Variants in ITGBL1 observed in about 807,000 individuals in gnomAD.
The protein encoded by ITGBL1 is integrin subunit beta like 1, also known as integrin beta-like protein 1.
A neutral mutation model predicts 68.5 loss-of-function variants in ITGBL1; 51 were observed. The observed-to-expected ratio is 0.74, with a 90% CI of 0.59 to 0.94. The LOEUF (loss-of-function observed/expected upper bound fraction) is 0.94. ITGBL1 is among the 40% of genes least tolerant of loss of function. The pLI is 0.00. For missense variants in ITGBL1, 649 were observed against 647.4 expected (o/e 1.00, Z -0.03); for synonymous variants, 209 against 227.3 (o/e 0.92, Z 0.72).
chr13:101,479,783 C>T (rs1451818336), intron 2 of ITGBL1, among the ~76,000 whole-genome samples: 1 of 152,020 alleles, frequency 6.6e-6, no homozygotes, highest in Non-Finnish European at 1.5e-5. Context: ...GTTAAAGTGG[C>T]TTTAATCCAA....
chr13:101,720,837 A>G (rs948387320), downstream of ITGBL1: 7 of 152,160 alleles, frequency 4.6e-5, no homozygotes, highest in African/African-American at 7.2e-5. Flanking sequence ...CATCATTGGC[A>G]ATAAATCTAC....
intron 2 of ITGBL1, among the ~76,000 whole-genome samples, chr13:101,473,689 G>A (rs2048494956): frequency 6.6e-6 from 1 of 152,184 alleles, no homozygotes; most frequent in Non-Finnish European, 1.5e-5. Flanking sequence ...CCAAGGGAGT[G>A]TGTGCATCAC....
intron 7 of ITGBL1, among the ~76,000 whole-genome samples, chr13:101,657,334 T>G (rs2032957239): frequency 6.6e-6 from 1 of 152,196 alleles, no homozygotes; most frequent in African/African-American, 2.4e-5. Flanking sequence ...TGTTTTAAGC[T>G]TTTCTGAAAC....
At chr13:101,614,399 C>T (rs1023846387) in intron 7 of ITGBL1, among the ~76,000 whole-genome samples, 3 of 152,020 alleles carry the variant, frequency 2.0e-5, no homozygotes, top group African/African-American at 7.2e-5. Context: ...TCCATGTTGT[C>T]TTTTTTCCCA....
intron 8 of ITGBL1, among the ~76,000 whole-genome samples, chr13:101,701,253 C>T (rs1158764414): frequency 6.6e-6 from 1 of 152,062 alleles, no homozygotes; most frequent in Non-Finnish European, 1.5e-5. Context: ...AAAAAATCAT[C>T]GCCAGGCACA....
chr13:101,470,591 AAT>A (rs1309828374), intron 2 of ITGBL1, among the ~76,000 whole-genome samples: 1 of 152,196 alleles, frequency 6.6e-6, no homozygotes, highest in Non-Finnish European at 1.5e-5. Context: ...CAAAAACCAT[AAT>A]AGTCTCTGCT....
At chr13:101,625,164 C>T (rs1450846450) in intron 7 of ITGBL1, among the ~76,000 whole-genome samples, 1 of 152,150 alleles carries the variant, frequency 6.6e-6, no homozygotes, top group African/African-American at 2.4e-5. Context: ...AATCATCATG[C>T]CTGATGGAGC....
At chr13:101,662,053 G>A (rs2033102413) in intron 7 of ITGBL1, among the ~76,000 whole-genome samples, 2 of 152,136 alleles carry the variant, frequency 1.3e-5, no homozygotes, top group South Asian at 4.1e-4. Context: ...ATTGTTTAAA[G>A]CATCGAACTG....
At chr13:101,596,162 C>T (rs564047164) in intron 6 of ITGBL1, among the ~76,000 whole-genome samples, 1 of 152,166 alleles carries the variant, frequency 6.6e-6, no homozygotes, top group Non-Finnish European at 1.5e-5. Flanking sequence ...GGAGGACATT[C>T]TGCTAAGTAA....
chr13:101,598,112 C>T lies in ITGBL1; in HGVS notation c.869-41C>T, dbSNP rs765641888. 3 of 1,556,660 alleles carry T rather than the reference C, an allele frequency of 1.9e-6. No homozygotes were observed. In the South Asian group the frequency reaches 3.6e-5, roughly 19 times the overall value. ...TGAAAACTAATTCCAACTTCATTATCTTTATGTACATTTTTATTTTTTGCC... is the reference window on the plus strand; with the variant it reads ...TGAAAACTAATTCCAACTTCATTATTTTTATGTACATTTTTATTTTTTGCC... On this transcript the variant is annotated intron_variant, in intron 6 of 10. Coordinates refer to ENST00000376180, the MANE Select transcript of ITGBL1 (RefSeq NM_004791.3).
At chr13:101,672,555 A>G in intron 7 of ITGBL1, among the ~76,000 whole-genome samples, 1 of 152,224 alleles carries the variant, frequency 6.6e-6, no homozygotes, top group South Asian at 2.1e-4. Flanking sequence ...CATTTGCATA[A>G]TAAGATTAGG....
chr13:101,541,399 A>T (rs1461397824), intron 2 of ITGBL1, among the ~76,000 whole-genome samples: 1 of 152,052 alleles, frequency 6.6e-6, no homozygotes, highest in East Asian at 1.9e-4. Context: ...CCCAGGGATG[A>T]AGCCCACTTG....
intron 2 of ITGBL1, among the ~76,000 whole-genome samples, chr13:101,535,151 A>G (rs1381059968): frequency 6.6e-6 from 1 of 152,100 alleles, no homozygotes; most frequent in Non-Finnish European, 1.5e-5. Flanking sequence ...TAGCTGCATT[A>G]TGCTCAATAT....
intron 2 of ITGBL1, among the ~76,000 whole-genome samples, chr13:101,534,424 A>G (rs1302058159): frequency 6.6e-6 from 1 of 152,192 alleles, no homozygotes; most frequent in Non-Finnish European, 1.5e-5. Flanking sequence ...AGACAATTTA[A>G]AAGTGTAAGA....
chr13:101,536,239 C>T (rs556243346), intron 2 of ITGBL1, among the ~76,000 whole-genome samples: 1 of 151,874 alleles, frequency 6.6e-6, no homozygotes, highest in East Asian at 1.9e-4. Flanking sequence ...AGTATTTGTA[C>T]CCTATCCCTC....
chr13:101,542,525 A>G (rs895948051), intron 2 of ITGBL1, among the ~76,000 whole-genome samples: 1 of 152,122 alleles, frequency 6.6e-6, no homozygotes, highest in African/African-American at 2.4e-5. Context: ...AGAATAATGT[A>G]TATTCTGTTG....
intron 2 of ITGBL1, among the ~76,000 whole-genome samples, chr13:101,507,611 T>C (rs944273061): frequency 2.6e-5 from 4 of 152,204 alleles, no homozygotes; most frequent in African/African-American, 9.6e-5. Flanking sequence ...TTGTCTTCTT[T>C]GCATACACCA....
At chr13:101,577,621 T>A (rs543464579) in intron 4 of ITGBL1, among the ~76,000 whole-genome samples, 1 of 152,198 alleles carries the variant, frequency 6.6e-6, no homozygotes, top group East Asian at 1.9e-4. Context: ...TCCTTACTTA[T>A]GTTGCACCTT....
intron 7 of ITGBL1, among the ~76,000 whole-genome samples, chr13:101,631,207 G>A (rs760509018): frequency 6.6e-6 from 1 of 152,034 alleles, no homozygotes; most frequent in Non-Finnish European, 1.5e-5. Flanking sequence ...ATATTTGATC[G>A]CAAATGGTTA....
Sources: gnomAD v4.1 joint callset for allele counts (sites outside exome capture counted in the v4.1 genomes callset) on GRCh38, gnomAD v4.1.1 for gene constraint, MANE v1.5 for transcripts, NCBI Gene and HGNC (gene_info 2026-07-23, HGNC 2026-07-21) for gene names.